The following CEP85 variants were observed in gnomAD, a reference collection of about 807,000 sequenced individuals.
The protein encoded by CEP85 is centrosomal protein 85, also known as centrosomal protein of 85 kDa.
A neutral mutation model predicts 93.7 loss-of-function variants in CEP85; 58 were observed. The ratio of observed to expected loss-of-function variants is 0.62; its 90% confidence interval spans 0.50 to 0.77. CEP85 has a LOEUF of 0.77. Ranked by LOEUF, CEP85 falls within the 30% of genes least tolerant of loss-of-function variation. The pLI, the probability that CEP85 is intolerant of heterozygous loss-of-function variation, is 0.00. For synonymous variants in CEP85, 314 were observed against 338.6 expected, an observed-to-expected ratio of 0.93 and a Z score of 0.80; for missense variants, 868 against 922.0, an observed-to-expected ratio of 0.94 and a Z score of 0.76.
intron 3 of CEP85, among the ~76,000 whole-genome samples, chr1:26,244,613 C>T (rs2089481654): frequency 6.6e-6 from 1 of 151,972 alleles, no homozygotes; most frequent in Admixed American, 6.6e-5. Context: ...TGCAGCCTCC[C>T]ATGCTGAGGT....
intron 11 of CEP85, among the ~76,000 whole-genome samples, chr1:26,273,912 A>ATAAAT (rs1250665957): frequency 7.1e-6 from 1 of 140,892 alleles, no homozygotes; most frequent in Non-Finnish European, 1.6e-5. Context: ...AAATAAATAA[A>ATAAAT]TAAATAAATA....
At position 26,269,620 on chromosome 1, in the gene CEP85, T is replaced by G. The variant is rs1570038415; in HGVS notation, c.1649+6T>G. 1 of 1,611,580 alleles carries G rather than the reference T, an allele frequency of 6.2e-7. No homozygotes were observed. The highest frequency in any genetic ancestry group is 8.5e-7 in the Non-Finnish European group (1 of 1,178,572). ...TTCTCCTCCGCTGGACATAGGTAAA[T>G]AACCCTGTGGGACTGAGAGGAGTGG... On this transcript the variant is annotated splice_donor_region_variant and intron_variant, in intron 9 of 13. Coordinates refer to ENST00000451429, the MANE Select transcript of CEP85 (RefSeq NM_001319944.2).
rs778255895 is a variant in CEP85, at chr1:26,244,156, CTT to C, written c.56-9_56-8del. On this transcript the variant is annotated splice_polypyrimidine_tract_variant and splice_region_variant and intron_variant, in intron 2 of 13. Coordinates refer to ENST00000451429, the MANE Select transcript of CEP85 (RefSeq NM_001319944.2). ...TTCACAGTAAAGGTGGGAAATGCCT[CTT>C]GTTTCAGGTTCCGATGTGATTCAGA... 3.0e-5 allele frequency: 49 copies of C among 1,611,042 alleles called. No homozygotes were observed. The highest frequency in any genetic ancestry group is 3.6e-5 in the Non-Finnish European group (43 of 1,178,512).
chr1:26,272,819 G>A (rs992582523), intron 11 of CEP85, among the ~76,000 whole-genome samples: 3 of 151,798 alleles, frequency 2.0e-5, no homozygotes, highest in African/African-American at 7.3e-5. Context: ...TGTAGAGACG[G>A]GGTTTCACCA....
chr1:26,272,648 G>A (rs2089994667), intron 11 of CEP85, among the ~76,000 whole-genome samples: 1 of 90,506 alleles, frequency 1.1e-5, no homozygotes, highest in Non-Finnish European at 2.0e-5. Flanking sequence ...TTTTTTTGGA[G>A]ACAGAGTCTC....
chr1:26,264,769 G>T (rs1343004086), intron 7 of CEP85, among the ~76,000 whole-genome samples: 1 of 152,090 alleles, frequency 6.6e-6, no homozygotes, highest in Non-Finnish European at 1.5e-5. Flanking sequence ...TCTTGATGTT[G>T]AGGAGATTGG....
intron 1 of CEP85, among the ~76,000 whole-genome samples, chr1:26,237,405 T>G (rs1419507034): frequency 6.6e-6 from 1 of 152,220 alleles, no homozygotes; most frequent in Non-Finnish European, 1.5e-5. Flanking sequence ...CAATCACTAA[T>G]CTGTGTCTCT....
chr1:26,273,526 G>A (rs1016634559), intron 11 of CEP85, among the ~76,000 whole-genome samples: 3 of 152,146 alleles, frequency 2.0e-5, no homozygotes, highest in Non-Finnish European at 4.4e-5. Context: ...AGAACCCTTG[G>A]GGTTCTGCAA....
At chr1:26,258,060 G>T (rs777047299) in intron 5 of CEP85, 83 bp from the exon 6 acceptor site, 9 of 886,496 alleles carry the variant, frequency 1.0e-5, no homozygotes, top group East Asian at 4.9e-5. Flanking sequence ...TCTTGCTTAC[G>T]TAATAGGGAT....
At chr1:26,258,063 A>T in intron 5 of CEP85, 80 bp from the exon 6 acceptor site, 1 of 902,008 alleles carries the variant, frequency 1.1e-6, no homozygotes, top group Non-Finnish European at 1.8e-6. Flanking sequence ...TGCTTACGTA[A>T]TAGGGATTGT....
chr1:26,253,088 C>T (rs931055134), intron 3 of CEP85, among the ~76,000 whole-genome samples: 1 of 152,082 alleles, frequency 6.6e-6, no homozygotes, highest in African/African-American at 2.4e-5. Context: ...TTTTATAAGG[C>T]TGGTATTCCG....
intron 9 of CEP85, among the ~76,000 whole-genome samples, chr1:26,269,987 A>G (rs1339990506): frequency 6.6e-6 from 1 of 151,810 alleles, no homozygotes; most frequent in Non-Finnish European, 1.5e-5. Flanking sequence ...ACGGGGTTTC[A>G]CCGTGGTCTC....
chr1:26,267,393 A>C (rs1570032861), intron 7 of CEP85, among the ~76,000 whole-genome samples: 1 of 152,080 alleles, frequency 6.6e-6, no homozygotes, highest in East Asian at 1.9e-4. Context: ...GTGAAATCCC[A>C]TCTGTACTAA....
At chr1:26,276,822 A>T in intron 13 of CEP85, 62 bp downstream of exon 13, 1 of 1,273,228 alleles carries the variant, frequency 7.9e-7, no homozygotes, top group Non-Finnish European at 1.1e-6. Flanking sequence ...TCTCTCCCCC[A>T]TCCTGCTTTC....
intron 5 of CEP85, 44 bp downstream of exon 5, chr1:26,257,774 G>C (rs780790522): frequency 6.2e-7 from 1 of 1,608,250 alleles, no homozygotes; most frequent in African/African-American, 1.3e-5. Context: ...ACTCTCCCAG[G>C]CCCCATTGAA....
chr1:26,241,089 CAG>C (rs1261207749), intron 2 of CEP85, among the ~76,000 whole-genome samples: 4 of 152,094 alleles, frequency 2.6e-5, no homozygotes, highest in Middle Eastern at 3.4e-3. Context: ...TAATTCAACT[CAG>C]GGTATGTTTT....
intron 1 of CEP85, among the ~76,000 whole-genome samples, chr1:26,236,824 A>G (rs2089334020): frequency 6.6e-6 from 1 of 152,190 alleles, no homozygotes; most frequent in South Asian, 2.1e-4. Context: ...GAAGGGTAAG[A>G]CAACTCTTAG....
At chr1:26,244,641 C>T (rs1557650070) in intron 3 of CEP85, among the ~76,000 whole-genome samples, 1 of 152,064 alleles carries the variant, frequency 6.6e-6, no homozygotes, top group Admixed American at 6.5e-5. Context: ...CCACCTCAGC[C>T]TCCTAGGTAG....
At chr1:26,235,731 C>A (rs1435879087) in intron 1 of CEP85, among the ~76,000 whole-genome samples, 1 of 152,090 alleles carries the variant, frequency 6.6e-6, no homozygotes, top group East Asian at 1.9e-4. Flanking sequence ...CGCCACCATG[C>A]ACGGATAATT....
Sources: allele counts gnomAD v4.1 joint callset (sites outside exome capture counted in the v4.1 genomes callset), GRCh38; gene constraint gnomAD v4.1.1; transcripts MANE v1.5; gene names NCBI Gene and HGNC (gene_info 2026-07-23, HGNC 2026-07-21).